Variants in SLAMF6 observed in about 807,000 individuals in gnomAD.
SLAMF6 encodes NK-T-B-antigen.
Under a neutral mutation model 38.3 loss-of-function variants are expected in SLAMF6, and 21 were observed. The ratio of observed to expected loss-of-function variants is 0.55; its 90% confidence interval spans 0.39 to 0.79. The LOEUF (loss-of-function observed/expected upper bound fraction) is 0.79. Ranked by LOEUF, SLAMF6 falls within the 30% of genes least tolerant of loss-of-function variation. The pLI, the probability that SLAMF6 is intolerant of heterozygous loss-of-function variation, is 0.00. For missense variants in SLAMF6, 341 were observed against 385.3 expected (o/e 0.89, Z 0.96); for synonymous variants, 152 against 146.3 (o/e 1.04, Z -0.28).
At chr1:160,494,046 G>A (rs1653440104) in intron 2 of SLAMF6, among the ~76,000 whole-genome samples, 1 of 152,148 alleles carries the variant, frequency 6.6e-6, no homozygotes, top group African/African-American at 2.4e-5. Context: ...AACCATGTTA[G>A]CAGTCACTCC....
Position 160,486,555 on chromosome 1 carries a change from T to TTTAA in SLAMF6, c.*148_*151dup. The TTTAA allele has an allele frequency of 1.4e-6, 1 of 703,164 alleles. No homozygotes were observed. The highest frequency in any genetic ancestry group is 2.4e-6 in the Non-Finnish European group (1 of 417,634). The allele number at this position is 703,164 out of a possible 1,614,324, so 43.6% of individuals were successfully genotyped here. On this transcript the variant is annotated 3_prime_UTR_variant, in exon 8 of 8. Transcript: ENST00000368057. ...TAGGTGTTTGACTCAGGTAGGCAGG[T>TTTAA]TTAAGTCCGAAGGACTGGAGGTGAT...
intron 1 of SLAMF6, among the ~76,000 whole-genome samples, chr1:160,509,109 A>T (rs1234326356): frequency 6.6e-6 from 1 of 152,316 alleles, no homozygotes. Flanking sequence ...TTCCTAAAGG[A>T]TCTAGAACTA....
chr1:160,498,041 T>C (rs1054010204), intron 1 of SLAMF6, among the ~76,000 whole-genome samples: 2 of 152,132 alleles, frequency 1.3e-5, no homozygotes, highest in East Asian at 3.8e-4. Context: ...TTTAAGTTTT[T>C]TGAAAAATCT....
intron 1 of SLAMF6, among the ~76,000 whole-genome samples, chr1:160,509,556 T>C (rs934193255): frequency 1.3e-5 from 2 of 151,966 alleles, no homozygotes; most frequent in Non-Finnish European, 2.9e-5. Context: ...CTAATGTAAA[T>C]GACGAGTTGA....
intron 1 of SLAMF6, among the ~76,000 whole-genome samples, chr1:160,514,303 G>T (rs879688860): frequency 6.6e-6 from 1 of 152,126 alleles, no homozygotes; most frequent in Admixed American, 6.5e-5. Flanking sequence ...TCAACAAGAA[G>T]AACTAACTAT....
At chr1:160,493,228 T>C (rs1653398040) in intron 2 of SLAMF6, among the ~76,000 whole-genome samples, 1 of 152,266 alleles carries the variant, frequency 6.6e-6, no homozygotes, top group East Asian at 1.9e-4. Flanking sequence ...GTTTCTTGAG[T>C]AGTCTAGGCA....
chr1:160,486,883 G>A, intron 7 of SLAMF6, 129 bp from the exon 8 acceptor site: 3 of 1,093,322 alleles, frequency 2.7e-6, no homozygotes, highest in South Asian at 1.4e-5. Flanking sequence ...GCATAGGGCA[G>A]GATTAAATTT....
At chr1:160,489,023 T>G in intron 6 of SLAMF6, 65 bp downstream of exon 6, 1 of 1,426,528 alleles carries the variant, frequency 7.0e-7, no homozygotes, top group Non-Finnish European at 9.9e-7. Context: ...ATGGTTATGG[T>G]GACAAGTTTG....
intron 1 of SLAMF6, among the ~76,000 whole-genome samples, chr1:160,500,201 C>T (rs904428653): frequency 6.6e-6 from 1 of 152,138 alleles, no homozygotes; most frequent in African/African-American, 2.4e-5. Context: ...ATTTAAGATT[C>T]GTATAGTTTT....
intron 1 of SLAMF6, among the ~76,000 whole-genome samples, chr1:160,512,305 C>A (rs61211901): frequency 2.0e-5 from 3 of 152,106 alleles, no homozygotes; most frequent in African/African-American, 7.2e-5. Flanking sequence ...ATGGGACCTC[C>A]CTGTGGGAAT....
At chr1:160,488,960 C>T (rs1431089811) in intron 6 of SLAMF6, 128 bp downstream of exon 6, 2 of 803,120 alleles carry the variant, frequency 2.5e-6, no homozygotes, top group Non-Finnish European at 4.2e-6. Flanking sequence ...ACTTTGCAGC[C>T]CCTGTCGCTG....
At chr1:160,503,728 A>T (rs563785731) in intron 1 of SLAMF6, among the ~76,000 whole-genome samples, 1 of 152,252 alleles carries the variant, frequency 6.6e-6, no homozygotes, top group South Asian at 2.1e-4. Flanking sequence ...GTGAGCAAAC[A>T]TTGTCAGAAT....
rs568404196 is a variant in SLAMF6, at chr1:160,501,961, G to C, written c.50-5568C>G. ...ACCAAACCAAAGCAAAACTAGATTT[G>C]AGACAATATGCTTAGGGACAGTGAA... On this transcript the variant is annotated intron_variant, in intron 1 of 7. Transcript: ENST00000368057. Among the ~76,000 whole-genome samples, 3 of 152,208 alleles carry C rather than the reference G, an allele frequency of 2.0e-5. No homozygotes were observed. In the East Asian group the frequency reaches 5.8e-4, roughly 29 times the overall value.
Position 160,490,370 on chromosome 1 carries a change from A to T in SLAMF6, c.758-134T>A, listed in dbSNP as rs1443916564. 3 of 1,428,364 alleles carry T rather than the reference A, an allele frequency of 2.1e-6. No homozygotes were observed. In the African/African-American group the frequency reaches 4.2e-5, roughly 20 times the overall value. The allele number at this position is 1,428,364 out of a possible 1,614,324, so 88.5% of individuals were successfully genotyped here. ...GCAAGCAGCCCTGAGACAGGGTCCC[A>T]CTTTTCCCAGTAGGACATTTCTCTC... On this transcript the variant is annotated intron_variant, in intron 4 of 7. Coordinates refer to ENST00000368057, the MANE Select transcript of SLAMF6 (RefSeq NM_001184714.2).
At chr1:160,511,374 A>T (rs1470746602) in intron 1 of SLAMF6, among the ~76,000 whole-genome samples, 2 of 152,222 alleles carry the variant, frequency 1.3e-5, no homozygotes, top group Non-Finnish European at 2.9e-5. Flanking sequence ...ATAAACTTAT[A>T]GATGTCTATA....
At chr1:160,517,014 T>C (rs1158234359) in intron 1 of SLAMF6, among the ~76,000 whole-genome samples, 4 of 152,108 alleles carry the variant, frequency 2.6e-5, no homozygotes, top group African/African-American at 9.7e-5. Context: ...ACAAATGGGA[T>C]CTAGTTAAAC....
chr1:160,509,446 T>C (rs753977942), intron 1 of SLAMF6, among the ~76,000 whole-genome samples: 3 of 151,976 alleles, frequency 2.0e-5, no homozygotes, highest in Non-Finnish European at 4.4e-5. Context: ...TAGGTGGGAA[T>C]TGAACAATGA....
chr1:160,494,496 T>C (rs1653465498), intron 2 of SLAMF6, among the ~76,000 whole-genome samples: 1 of 152,134 alleles, frequency 6.6e-6, no homozygotes, highest in African/African-American at 2.4e-5. Flanking sequence ...AGAAAAGATC[T>C]GTCTGCGCCC....
At chr1:160,487,202 C>A in intron 6 of SLAMF6, 27 bp from the exon 7 acceptor site, 1 of 1,602,312 alleles carries the variant, frequency 6.2e-7, no homozygotes, top group East Asian at 2.2e-5. Flanking sequence ...ACCAATTTGG[C>A]TTACACAGAG....
Sources: allele counts gnomAD v4.1 joint callset (sites outside exome capture counted in the v4.1 genomes callset), GRCh38; gene constraint gnomAD v4.1.1; transcripts MANE v1.5; gene names NCBI Gene and HGNC (gene_info 2026-07-23, HGNC 2026-07-21).